IGSF11: variants seen among roughly 807,000 people sequenced by gnomAD.
IGSF11 encodes immunoglobulin superfamily member 11.
A neutral mutation model predicts 41.0 loss-of-function variants in IGSF11; 22 were observed. That is an observed-to-expected ratio of 0.54 (90% CI 0.38 to 0.77). The LOEUF (loss-of-function observed/expected upper bound fraction) is 0.77, where lower values mean the gene tolerates loss of function less well. Ranked by LOEUF, IGSF11 falls within the 30% of genes least tolerant of loss-of-function variation. The pLI is 0.00. For missense variants in IGSF11, 444 were observed against 530.8 expected, an observed-to-expected ratio of 0.84 and a Z score of 1.61; for synonymous variants, 219 against 201.3, an observed-to-expected ratio of 1.09 and a Z score of -0.74.
chr3:119,010,522 A>G (rs1937991362), intron 1 of IGSF11, among the ~76,000 whole-genome samples: 1 of 152,202 alleles, frequency 6.6e-6, no homozygotes, highest in South Asian at 2.1e-4. Context: ...TGAGTGGGCC[A>G]TTTAGGGCCG....
chr3:119,016,180 G>T lies in IGSF11; in HGVS notation c.52+18351C>A, dbSNP rs150499880. On this transcript the variant is annotated intron_variant, in intron 1 of 6. Transcript: ENST00000393775. ...GGAGGCACAAAGGGTGTCACACTGG[G>T]CTGTGGGGCACAGAAAAGAAGGGAG... 2.6e-5 allele frequency among the ~76,000 whole-genome samples: 4 copies of T among 152,346 alleles called. No homozygotes were observed. In the South Asian group the frequency reaches 8.3e-4, roughly 32 times the overall value.
At chr3:119,039,822 G>A (rs567256587), upstream of IGSF11, among the ~76,000 whole-genome samples, 4 of 152,150 alleles carry the variant, frequency 2.6e-5, no homozygotes, top group East Asian at 1.9e-4. Flanking sequence ...CACCTAAGTC[G>A]TAACTGACCA....
chr3:118,997,882 G>T (rs1301605656), intron 1 of IGSF11, among the ~76,000 whole-genome samples: 5 of 152,030 alleles, frequency 3.3e-5, no homozygotes, highest in Non-Finnish European at 7.4e-5. Flanking sequence ...ACTGTTCATG[G>T]CAAATGCTAA....
chr3:119,045,870 C>A (rs538835065), intron 1 of IGSF11, among the ~76,000 whole-genome samples: 5 of 151,976 alleles, frequency 3.3e-5, no homozygotes, highest in Non-Finnish European at 5.9e-5. Flanking sequence ...GGAGGCACCC[C>A]CCAGCAGGGG....
intron 1 of IGSF11, among the ~76,000 whole-genome samples, chr3:119,040,665 C>T (rs1941085229): frequency 6.6e-6 from 1 of 152,198 alleles, no homozygotes; most frequent in Non-Finnish European, 1.5e-5. Context: ...ATATGATCTA[C>T]AAGGACAGGA....
Position 119,017,034 on chromosome 3 carries a change from C to T in IGSF11, c.52+17497G>A, listed in dbSNP as rs145351577. On this transcript the variant is annotated intron_variant, in intron 1 of 6. Coordinates refer to ENST00000393775, the MANE Select transcript of IGSF11 (RefSeq NM_001015887.3). ...AAGCATGAGCAAAGTTAAATGGACG[C>T]AGGACAAAAAAAAAAAAAAAAAAGC... 6.5e-3 allele frequency among the ~76,000 whole-genome samples: 633 copies of T among 97,376 alleles called. 13 individuals are homozygous for T. Among genetic ancestry groups the T allele is most frequent in the African/African-American group, 0.031 (603 of 19,414 alleles). 63.9% of individuals were successfully genotyped at this position (97,376 alleles called of 152,430 possible). A position where few individuals can be genotyped will look rare whatever the true frequency, so the allele number is the denominator to read the frequency against.
chr3:119,101,402 G>T (rs966269690), intron 1 of IGSF11, among the ~76,000 whole-genome samples: 3 of 152,044 alleles, frequency 2.0e-5, no homozygotes, highest in African/African-American at 7.2e-5. Flanking sequence ...CCAGATACTA[G>T]GGAGGCTGAG....
intron 1 of IGSF11, among the ~76,000 whole-genome samples, chr3:118,971,273 C>T: frequency 6.6e-6 from 1 of 152,082 alleles, no homozygotes; most frequent in East Asian, 1.9e-4. Flanking sequence ...TAGCAAACTT[C>T]AGAGAGTGAC....
intron 1 of IGSF11, among the ~76,000 whole-genome samples, chr3:119,028,226 G>A (rs920969772): frequency 2.6e-5 from 4 of 152,124 alleles, no homozygotes; most frequent in African/African-American, 7.2e-5. Flanking sequence ...ATAAATCATG[G>A]CTGGGATAAA....
intron 1 of IGSF11, among the ~76,000 whole-genome samples, chr3:118,938,648 T>C (rs773375119): frequency 3.3e-5 from 5 of 152,238 alleles, no homozygotes; most frequent in African/African-American, 4.8e-5. Flanking sequence ...TGAGTCACTA[T>C]GGTTTATGAC....
chr3:118,941,134 T>C (rs926592701), intron 1 of IGSF11, among the ~76,000 whole-genome samples: 3 of 152,090 alleles, frequency 2.0e-5, no homozygotes, highest in South Asian at 4.1e-4. Context: ...ATTGTTTTGA[T>C]AATAAAACAA....
chr3:118,904,319 T>C (rs993930251), intron 6 of IGSF11, among the ~76,000 whole-genome samples: 1 of 152,172 alleles, frequency 6.6e-6, no homozygotes, highest in Non-Finnish European at 1.5e-5. Flanking sequence ...CTATTATAAA[T>C]GTCAATAGTA....
At position 119,054,734 on chromosome 3, in the gene IGSF11, T is replaced by C. The variant is rs150321829; in HGVS notation, c.49+50410A>G. ...TATGAAAAAGACACTTGCACACACATGTTTATAGCAGCACAATTTGCAATT... is the reference window on the plus strand; with the variant it reads ...TATGAAAAAGACACTTGCACACACACGTTTATAGCAGCACAATTTGCAATT... On this transcript the variant is annotated intron_variant, in intron 1 of 6. Transcript: ENST00000354673. Among the ~76,000 whole-genome samples the C allele has an allele frequency of 5.2e-3, 795 of 152,272 alleles. 14 individuals are homozygous for C. The highest frequency in any genetic ancestry group is 0.018 in the African/African-American group (765 of 41,542).
intron 1 of IGSF11, among the ~76,000 whole-genome samples, chr3:119,082,155 T>C (rs554779689): frequency 6.6e-6 from 1 of 152,328 alleles, no homozygotes; most frequent in Admixed American, 6.5e-5. Context: ...ACTTTCTTTA[T>C]TCAGACCTCC....
At chr3:119,030,745 T>G (rs1196588738) in intron 1 of IGSF11, among the ~76,000 whole-genome samples, 13 of 152,056 alleles carry the variant, frequency 8.5e-5, no homozygotes, top group Non-Finnish European at 7.4e-5. Context: ...CCAGATGGTG[T>G]GGGGGCAGTT....
rs1235808534 is a variant in IGSF11, at chr3:119,000,714, C to CA, written c.52+33816dup. 4.6e-5 allele frequency among the ~76,000 whole-genome samples: 7 copies of CA among 152,238 alleles called. No individual in the cohort carries two copies. In the South Asian group the frequency reaches 6.2e-4, roughly 14 times the overall value. ...AATCAGGATGATAATTTTGAAGACT[C>CA]AAAGGGAGAAGGGCATTAACAATTG... On this transcript the variant is annotated intron_variant, in intron 1 of 6. Coordinates refer to ENST00000393775, the MANE Select transcript of IGSF11 (RefSeq NM_001015887.3).
At chr3:119,058,770 T>C (rs1470603951) in intron 1 of IGSF11, among the ~76,000 whole-genome samples, 2 of 152,138 alleles carry the variant, frequency 1.3e-5, no homozygotes, top group Non-Finnish European at 2.9e-5. Context: ...GTGGCACATA[T>C]ACACCATGGA....
intron 1 of IGSF11, among the ~76,000 whole-genome samples, chr3:119,004,885 A>G (rs944300053): frequency 2.6e-5 from 4 of 152,078 alleles, no homozygotes; most frequent in African/African-American, 4.8e-5. Context: ...ACTTCCAACT[A>G]TGTGGTCAAT....
chr3:119,110,781 G>T (rs1192289721), intron 1 of IGSF11, among the ~76,000 whole-genome samples: 3 of 151,784 alleles, frequency 2.0e-5, no homozygotes, highest in Admixed American at 1.3e-4. Context: ...TTTAGGGCAG[G>T]CCTGGTGGTG....
Sources: allele counts gnomAD v4.1 joint callset (sites outside exome capture counted in the v4.1 genomes callset), GRCh38; gene constraint gnomAD v4.1.1; transcripts MANE v1.5; gene names NCBI Gene and HGNC (gene_info 2026-07-23, HGNC 2026-07-21).